Variants in ZNF680 observed in about 807,000 individuals in gnomAD.
ZNF680 encodes the protein hypothetical protein FLJ90430.
In ZNF680, 6 loss-of-function variants were observed where a neutral mutation model predicts 12.1. That is an observed-to-expected ratio of 0.49 (90% CI 0.27 to 0.98). The LOEUF is 0.98. ZNF680 is among the 50% of genes least tolerant of loss of function. ZNF680 has a pLI of 0.12. For missense variants in ZNF680, 561 were observed against 616.3 expected (o/e 0.91, Z 0.95); for synonymous variants, 170 against 199.3 (o/e 0.85, Z 1.24).
At chr7:64,511,666 A>G in the ZNF680 span, among the ~76,000 whole-genome samples, 3 of 152,264 alleles carry the variant, frequency 2.0e-5, no homozygotes, top group Non-Finnish European at 4.4e-5. Context: ...AAACCTAAAC[A>G]TAATTGTAAA....
the ZNF680 span, among the ~76,000 whole-genome samples, chr7:64,510,369 TA>T: frequency 3.3e-5 from 5 of 151,732 alleles, no homozygotes; most frequent in Admixed American, 6.6e-5. Flanking sequence ...TTAAATAGCC[TA>T]AAAAAAGCTT....
chr7:64,542,015 G>A (rs1025369124), intron 3 of ZNF680, among the ~76,000 whole-genome samples: 1 of 152,142 alleles, frequency 6.6e-6, no homozygotes, highest in Non-Finnish European at 1.5e-5. Context: ...ACCATATATA[G>A]ACCCAATTAC....
intron 1 of ZNF680, among the ~76,000 whole-genome samples, chr7:64,546,244 GA>G (rs778079445): frequency 6.6e-6 from 1 of 151,852 alleles, no homozygotes; most frequent in Non-Finnish European, 1.5e-5. Context: ...TCCTTTTTTG[GA>G]ATTCCTTCTC....
chr7:64,521,351 C>T lies in ZNF680; in HGVS notation c.1403G>A (p.Gly468Asp). 6.2e-7 allele frequency: 1 copy of T among 1,613,300 alleles called. No individual in the cohort carries two copies. The highest frequency in any genetic ancestry group is 8.5e-7 in the Non-Finnish European group (1 of 1,179,572). Residue 468 changes from glycine to aspartate, a missense_variant, in exon 4 of 4, where the codon GGC becomes GAC. Coordinates refer to ENST00000309683, the MANE Select transcript of ZNF680 (RefSeq NM_178558.5). ...AGTTGCAGGCCAGTTAAAAACATTG[C>T]CACATTCATCACATTTGTAGGATTT... ...GEKSYKCDECGNVFNWPATLA... is the reference protein window; with the variant it reads ...GEKSYKCDECDNVFNWPATLA...
the ZNF680 span, among the ~76,000 whole-genome samples, chr7:64,509,063 T>C: frequency 6.6e-6 from 1 of 152,136 alleles, no homozygotes; most frequent in African/African-American, 2.4e-5. Flanking sequence ...CTTCCCTCCA[T>C]GTAAAAGTTC....
At chr7:64,522,612 A>C in intron 3 of ZNF680, 112 bp from the exon 4 acceptor site, 1 of 871,392 alleles carries the variant, frequency 1.1e-6, no homozygotes, top group Non-Finnish European at 1.5e-6. Flanking sequence ...ACAAAAATAA[A>C]TAACTAAAAA....
the ZNF680 span, among the ~76,000 whole-genome samples, chr7:64,513,106 T>TA: frequency 1.2e-4 from 19 of 152,156 alleles, no homozygotes; most frequent in South Asian, 2.1e-4. Context: ...CTAACTATGC[T>TA]AAAAAAAGTC....
At chr7:64,524,827 T>A (rs971409526) in intron 3 of ZNF680, 1 of 152,204 alleles carries the variant, frequency 6.6e-6, no homozygotes, top group Non-Finnish European at 1.5e-5. Context: ...TATGGATTAC[T>A]TTCTATGACC....
chr7:64,525,432 T>G lies in ZNF680; in HGVS notation c.254-2932A>C, dbSNP rs1791785815. On this transcript the variant is annotated intron_variant, in intron 3 of 3. Transcript: ENST00000309683. ...TAACAACTATAAAGCTTGATGATATTGTGCAAAATAAAATGAGCCAGTCAC... is the reference window on the plus strand; with the variant it reads ...TAACAACTATAAAGCTTGATGATATGGTGCAAAATAAAATGAGCCAGTCAC... The G allele has an allele frequency of 2.0e-5, 3 of 152,106 alleles. No homozygotes were observed. In the South Asian group the frequency reaches 6.2e-4, roughly 31 times the overall value. The allele number at this position is 152,106 out of a possible 1,614,324, so 9.4% of individuals were successfully genotyped here. A position where few individuals can be genotyped will look rare whatever the true frequency, so the allele number is the denominator to read the frequency against.
At chr7:64,522,652 T>C (rs1430671329) in intron 3 of ZNF680, 152 bp from the exon 4 acceptor site, 10 of 548,604 alleles carry the variant, frequency 1.8e-5, no homozygotes, top group Non-Finnish European at 2.5e-5. Context: ...AAAAAAGTTA[T>C]GTACAAATGA....
chr7:64,541,071 T>C (rs796510246), intron 3 of ZNF680, among the ~76,000 whole-genome samples: 24 of 152,302 alleles, frequency 1.6e-4, no homozygotes, highest in African/African-American at 5.8e-4. Flanking sequence ...ATTGCTAAAT[T>C]TAAAAATTAT....
intron 3 of ZNF680, chr7:64,526,461 C>A (rs1469929500): frequency 5.1e-6 from 7 of 1,385,066 alleles, no homozygotes; most frequent in African/African-American, 1.5e-5. Flanking sequence ...GAGGCCAAGG[C>A]AGTAAGATAA....
the ZNF680 span, among the ~76,000 whole-genome samples, chr7:64,505,737 G>C: frequency 4.8e-3 from 728 of 151,928 alleles, 1 homozygote; most frequent in Non-Finnish European, 7.3e-3. Flanking sequence ...TCTCAGATGA[G>C]AGGTGATTTT....
the ZNF680 span, chr7:64,501,870 T>C: frequency 5.4e-5 from 28 of 514,156 alleles, no homozygotes; most frequent in African/African-American, 4.2e-4. Context: ...TTAATTCATA[T>C]TGCCCTGCAC....
intron 1 of ZNF680, among the ~76,000 whole-genome samples, chr7:64,560,375 A>C (rs1787668696): frequency 6.6e-6 from 1 of 152,138 alleles, no homozygotes; most frequent in African/African-American, 2.4e-5. Flanking sequence ...TGGCATCCTA[A>C]AGTGCTAGGA....
At chr7:64,508,557 A>T in the ZNF680 span, among the ~76,000 whole-genome samples, 1 of 152,026 alleles carries the variant, frequency 6.6e-6, no homozygotes, top group Non-Finnish European at 1.5e-5. Context: ...GGGAATTACT[A>T]ATCAGTCACT....
chr7:64,501,761 A>G, the ZNF680 span: 4 of 831,906 alleles, frequency 4.8e-6, no homozygotes, highest in East Asian at 5.5e-5. Flanking sequence ...TCTTATCCCA[A>G]TATTTGTTTA....
intron 3 of ZNF680, among the ~76,000 whole-genome samples, chr7:64,542,369 C>T (rs941010521): frequency 3.3e-5 from 5 of 152,052 alleles, no homozygotes; most frequent in Non-Finnish European, 5.9e-5. Context: ...AAGTATGTGG[C>T]AGAAAAATTA....
chr7:64,528,713 C>T (rs532887851), intron 3 of ZNF680, among the ~76,000 whole-genome samples: 1 of 152,240 alleles, frequency 6.6e-6, no homozygotes, highest in East Asian at 1.9e-4. Context: ...CTAGCCCTGC[C>T]CCTACCCAGT....
Sources: gnomAD v4.1 joint callset for allele counts (sites outside exome capture counted in the v4.1 genomes callset) on GRCh38, gnomAD v4.1.1 for gene constraint, MANE v1.5 for transcripts, NCBI Gene and HGNC (gene_info 2026-07-23, HGNC 2026-07-21) for gene names.